The following FOXN3 variants were observed in gnomAD, a reference collection of about 807,000 sequenced individuals.
The protein encoded by FOXN3 is forkhead box N3.
Under a neutral mutation model 38.4 loss-of-function variants are expected in FOXN3, and 7 were observed. The observed-to-expected ratio is 0.18, with a 90% CI of 0.10 to 0.34. FOXN3 has a LOEUF of 0.34. FOXN3 is among the 10% of genes least tolerant of loss of function. The probability of loss-of-function intolerance (pLI) is 1.00; values close to 1 mark genes in which losing one functional copy is unlikely to be tolerated. For missense variants in FOXN3, 456 were observed against 613.4 expected, an observed-to-expected ratio of 0.74 and a Z score of 2.71; for synonymous variants, 230 against 242.2, an observed-to-expected ratio of 0.95 and a Z score of 0.47.
intron 3 of FOXN3, among the ~76,000 whole-genome samples, chr14:89,329,385 C>T (rs972580481): frequency 5.9e-5 from 9 of 152,096 alleles, no homozygotes; most frequent in African/African-American, 2.2e-4. Context: ...TTGGGGTGTG[C>T]CAGTGGTCCT....
intron 1 of FOXN3, among the ~76,000 whole-genome samples, chr14:89,528,376 C>CATTTTTT (rs1894474480): frequency 1.9e-5 from 1 of 53,550 alleles, no homozygotes; most frequent in Non-Finnish European, 3.4e-5. Context: ...ATGGATGAAT[C>CATTTTTT]TTTTTTTTTT....
At chr14:89,579,482 C>A (rs1895702685) in intron 1 of FOXN3, among the ~76,000 whole-genome samples, 1 of 152,112 alleles carries the variant, frequency 6.6e-6, no homozygotes, top group African/African-American at 2.4e-5. Flanking sequence ...AATATAAATC[C>A]AATTCAGTGA....
rs1219332829 is a variant in FOXN3 at position 89,163,562 on chromosome 14, A to T, written c.852-593T>A. ...TTAGGGAGGGTTCTGGGGGAGGGACACGGGGTTGGATCGGATATAGACACT... is the reference window on the plus strand; with the variant it reads ...TTAGGGAGGGTTCTGGGGGAGGGACTCGGGGTTGGATCGGATATAGACACT... On this transcript the variant is annotated intron_variant, in intron 5 of 5. Coordinates refer to ENST00000557258, the MANE Select transcript of FOXN3 (RefSeq NM_005197.4). This position sits in a 1 kb window ranked among gnomAD's most constrained non-coding sequence, Gnocchi z 4.3. Among the ~76,000 whole-genome samples the T allele has an allele frequency of 6.6e-6, 1 of 152,170 alleles. No homozygotes were observed. The highest frequency in any genetic ancestry group is 2.4e-5 in the African/African-American group (1 of 41,446).
chr14:89,496,105 C>T (rs567809010), intron 1 of FOXN3, among the ~76,000 whole-genome samples: 4 of 152,158 alleles, frequency 2.6e-5, no homozygotes, highest in South Asian at 2.1e-4. Flanking sequence ...CCCAGCTACT[C>T]GGGAGGCTGA....
At chr14:89,291,450 AG>A (rs1886868616) in intron 3 of FOXN3, 4 of 610,178 alleles carry the variant, frequency 6.6e-6, no homozygotes, top group South Asian at 5.5e-5. Context: ...AGCTTATCAA[AG>A]GCTTCCACGG....
chr14:89,260,425 G>A (rs769318729), intron 4 of FOXN3, among the ~76,000 whole-genome samples: 28 of 152,324 alleles, frequency 1.8e-4, no homozygotes, highest in African/African-American at 2.9e-4. Flanking sequence ...CTGTGCTCCC[G>A]GCAATCAGCA....
chr14:89,298,472 T>TAAAAAA (rs55856005), intron 3 of FOXN3, among the ~76,000 whole-genome samples: 2 of 123,564 alleles, frequency 1.6e-5, no homozygotes, highest in Admixed American at 8.7e-5. Context: ...TCCGTCTATT[T>TAAAAAA]AAAAAAAAAA....
At chr14:89,521,762 T>C (rs1380667936) in intron 1 of FOXN3, among the ~76,000 whole-genome samples, 1 of 151,534 alleles carries the variant, frequency 6.6e-6, no homozygotes, top group East Asian at 1.9e-4. Flanking sequence ...ACAAAAAAAA[T>C]AGCGAATTTA....
At chr14:89,397,637 C>T (rs1596251280) in intron 2 of FOXN3, among the ~76,000 whole-genome samples, 1 of 152,044 alleles carries the variant, frequency 6.6e-6, no homozygotes. Flanking sequence ...GCTCAGCCTA[C>T]CTTCCCAAAC....
intron 3 of FOXN3, among the ~76,000 whole-genome samples, chr14:89,316,624 G>T (rs1001884406): frequency 6.7e-6 from 1 of 150,216 alleles, no homozygotes; most frequent in African/African-American, 2.5e-5. Flanking sequence ...GCCTCCCAAA[G>T]TGCTGGGATT....
At chr14:89,501,717 AG>A (rs1364186402) in intron 1 of FOXN3, among the ~76,000 whole-genome samples, 2 of 152,168 alleles carry the variant, frequency 1.3e-5, no homozygotes, top group Non-Finnish European at 2.9e-5. Flanking sequence ...GAAAGCTAGC[AG>A]GGTTTTTAAA....
In FOXN3 at chr14:89,493,721, C is replaced by A. The variant is rs546882445; in HGVS notation, c.-14-81231G>T. ...GATCATTCTGATATAAAAGCAATTT[C>A]TACAGTGATACATTCAAAGACCTTA... On this transcript the variant is annotated intron_variant, in intron 1 of 6. Transcript: ENST00000345097. Among the ~76,000 whole-genome samples the A allele has an allele frequency of 5.9e-5, 9 of 152,250 alleles. 1 individual carries two copies. The highest frequency in any genetic ancestry group is 2.2e-4 in the African/African-American group (9 of 41,554).
intron 2 of FOXN3, among the ~76,000 whole-genome samples, chr14:89,366,500 C>T (rs1890160357): frequency 6.6e-6 from 1 of 151,988 alleles, no homozygotes; most frequent in Admixed American, 6.6e-5. Flanking sequence ...CTCTTCGTGC[C>T]TTTTTTAAAA....
chr14:89,322,555 A>G (rs553422835), intron 3 of FOXN3, among the ~76,000 whole-genome samples: 1 of 152,284 alleles, frequency 6.6e-6, no homozygotes, highest in African/African-American at 2.4e-5. Flanking sequence ...GAACAGAGAA[A>G]AGAGGGAGCA....
chr14:89,411,198 T>C (rs918501099), intron 2 of FOXN3, among the ~76,000 whole-genome samples: 1 of 152,208 alleles, frequency 6.6e-6, no homozygotes, highest in African/African-American at 2.4e-5. Context: ...TGATCTGAAG[T>C]AGAACAGTTT....
At chr14:89,404,026 G>A (rs1383750930) in intron 2 of FOXN3, among the ~76,000 whole-genome samples, 3 of 152,202 alleles carry the variant, frequency 2.0e-5, no homozygotes, top group Admixed American at 1.3e-4. Flanking sequence ...TGCCTTACAG[G>A]CAGTGGCCAT....
chr14:89,269,079 G>A (rs1421311589), intron 4 of FOXN3, among the ~76,000 whole-genome samples: 1 of 152,168 alleles, frequency 6.6e-6, no homozygotes, highest in Non-Finnish European at 1.5e-5. Context: ...TCCTCAAAAT[G>A]TGGGAAATGA....
chr14:89,545,153 C>T (rs1182297664), intron 1 of FOXN3, among the ~76,000 whole-genome samples: 1 of 152,250 alleles, frequency 6.6e-6, no homozygotes, highest in East Asian at 1.9e-4. Context: ...AATACCTTCA[C>T]ACCTGATGTC....
At chr14:89,530,456 C>A (rs374866080) in intron 1 of FOXN3, among the ~76,000 whole-genome samples, 4 of 152,118 alleles carry the variant, frequency 2.6e-5, no homozygotes, top group East Asian at 3.9e-4. Context: ...GAAAGACTGG[C>A]TCCCATGATT....
Sources: gnomAD v4.1 joint callset for allele counts (sites outside exome capture counted in the v4.1 genomes callset) on GRCh38, gnomAD v4.1.1 for gene constraint, Gnocchi (gnomAD v3.1) non-coding constraint, MANE v1.5 for transcripts, NCBI Gene and HGNC (gene_info 2026-07-23, HGNC 2026-07-21) for gene names.